The following OTOA variants were observed in gnomAD, a reference collection of about 807,000 sequenced individuals.
OTOA encodes cancer/testis antigen 108.
In OTOA, 70 loss-of-function variants were observed where a neutral mutation model predicts 110.8. The observed-to-expected ratio is 0.63, with a 90% CI of 0.52 to 0.77. OTOA has a LOEUF of 0.77. Among genes scored for constraint, OTOA ranks in the 30% least tolerant of loss-of-function variants. The probability of loss-of-function intolerance (pLI) is 0.00; values close to 1 mark genes in which losing one functional copy is unlikely to be tolerated. For synonymous variants in OTOA, 373 were observed against 431.5 expected, an observed-to-expected ratio of 0.86 and a Z score of 1.68; for missense variants, 917 against 1,075.8, an observed-to-expected ratio of 0.85 and a Z score of 2.06.
chr16:21,696,712 C>T (rs972332039), intron 9 of OTOA, among the ~76,000 whole-genome samples: 4 of 151,198 alleles, frequency 2.6e-5, no homozygotes, highest in African/African-American at 9.7e-5. Flanking sequence ...TGGGATTACA[C>T]CTGGCTAATT....
chr16:21,675,083 T>G (rs1221607003), intron 1 of OTOA, among the ~76,000 whole-genome samples: 6 of 112,094 alleles, frequency 5.4e-5, no homozygotes, highest in Admixed American at 3.3e-4. Flanking sequence ...CTTTCTTTCT[T>G]TCTTTCTTTC....
chr16:21,722,071 A>AC (rs1898762064), intron 17 of OTOA, among the ~76,000 whole-genome samples: 1 of 144,040 alleles, frequency 6.9e-6, no homozygotes, highest in Non-Finnish European at 1.5e-5. Flanking sequence ...ACAAAAAAAA[A>AC]ACCCCAAAAA....
intron 12 of OTOA, among the ~76,000 whole-genome samples, chr16:21,707,642 T>TTTCTTTCTTTCC (rs1491386834): frequency 4.3e-5 from 5 of 117,146 alleles, no homozygotes; most frequent in Non-Finnish European, 8.0e-5. Flanking sequence ...TCTTTCTTTC[T>TTTCTTTCTTTCC]TTCTTTCTTT....
intron 18 of OTOA, among the ~76,000 whole-genome samples, chr16:21,726,060 T>A (rs1898904780): frequency 6.6e-6 from 1 of 152,170 alleles, no homozygotes; most frequent in Admixed American, 6.5e-5. Flanking sequence ...CTTTCTCACT[T>A]TCTAGTTATT....
chr16:21,682,291 A>G (rs1160054059), intron 6 of OTOA, among the ~76,000 whole-genome samples: 1 of 152,214 alleles, frequency 6.6e-6, no homozygotes, highest in Non-Finnish European at 1.5e-5. Flanking sequence ...GGGAAGAAGA[A>G]GACAAGGGTA....
At chr16:21,721,336 T>A (rs1161897019) in intron 17 of OTOA, 3 of 455,596 alleles carry the variant, frequency 6.6e-6, no homozygotes, top group Non-Finnish European at 1.3e-5. Flanking sequence ...GCAGTTGTTC[T>A]CAACAGAGTA....
chr16:21,674,424 C>T (rs1966853387), intron 1 of OTOA, among the ~76,000 whole-genome samples: 1 of 152,096 alleles, frequency 6.6e-6, no homozygotes, highest in Admixed American at 6.6e-5. Flanking sequence ...ACCTCCGCCT[C>T]CTCGGTTCAA....
chr16:21,735,929 C>A (rs919567099), intron 21 of OTOA, among the ~76,000 whole-genome samples: 3 of 152,200 alleles, frequency 2.0e-5, no homozygotes, highest in Non-Finnish European at 4.4e-5. Flanking sequence ...CCAGATTGCT[C>A]TGCTAATAGT....
chr16:21,707,357 G>A (rs1898196714), intron 12 of OTOA, among the ~76,000 whole-genome samples: 1 of 151,968 alleles, frequency 6.6e-6, no homozygotes. Context: ...CAAACTGGAG[G>A]GTGCATCTAA....
In OTOA at chr16:21,705,304, G is replaced by A. The variant is rs143853515; in HGVS notation, c.1104+12G>A. The A allele has an allele frequency of 1.2e-6, 2 of 1,613,430 alleles. No individual in the cohort carries two copies. Among genetic ancestry groups the A allele is most frequent in the Non-Finnish European group, 1.7e-6 (2 of 1,180,030 alleles). On this transcript the variant is annotated intron_variant, in intron 12 of 28. Transcript: ENST00000646100. ...CTGGCGTCCAGAAGGTACAGCTGGGGTGCAAGGCCCTGAGGCCTCTGCCTC... is the reference window on the plus strand; with the variant it reads ...CTGGCGTCCAGAAGGTACAGCTGGGATGCAAGGCCCTGAGGCCTCTGCCTC...
chr16:21,684,345 C>T (rs1182338507), intron 6 of OTOA: 1 of 1,377,958 alleles, frequency 7.3e-7, no homozygotes, highest in African/African-American at 1.5e-5. Context: ...GAACAATTCC[C>T]CAGACAGCAG....
intron 19 of OTOA, 66 bp downstream of exon 19, chr16:21,726,724 G>A: frequency 6.2e-7 from 1 of 1,600,028 alleles, no homozygotes; most frequent in South Asian, 1.1e-5. Flanking sequence ...GGAGCCCTGT[G>A]AGGGATCTGG....
chr16:21,670,660 C>G (rs1966847809), intron 1 of OTOA, among the ~76,000 whole-genome samples: 1 of 152,086 alleles, frequency 6.6e-6, no homozygotes, highest in South Asian at 2.1e-4. Flanking sequence ...AGAATAATGC[C>G]TGGCTCACAG....
intron 1 of OTOA, among the ~76,000 whole-genome samples, chr16:21,665,013 T>TAAACAAAC (rs1555495196): frequency 9.9e-5 from 15 of 151,574 alleles, no homozygotes; most frequent in African/African-American, 3.2e-4. Context: ...AATAAATAAA[T>TAAACAAAC]AAACAAATAA....
At chr16:21,729,051 T>G (rs1899025206) in intron 20 of OTOA, among the ~76,000 whole-genome samples, 1 of 151,400 alleles carries the variant, frequency 6.6e-6, no homozygotes, top group South Asian at 2.1e-4. Flanking sequence ...TATTTTTTTT[T>G]TAAATGGGGT....
At chr16:21,677,643 G>T (rs985639918) in intron 1 of OTOA, among the ~76,000 whole-genome samples, 2 of 150,378 alleles carry the variant, frequency 1.3e-5, no homozygotes, top group Non-Finnish European at 3.0e-5. Context: ...CACCACGCCC[G>T]TCTAATTTTT....
chr16:21,697,799 C>T lies in OTOA; in HGVS notation c.764C>T (p.Ala255Val), dbSNP rs149668552. Residue 255 changes from alanine (A) to valine (V), a missense_variant, in exon 10 of 29, where the codon GCG becomes GTG. Transcript: ENST00000646100. ...GATGACTCTGCTTCATGGGTCAGTG[C>T]GGAACACTTATGGGTTTTGGGCAGA... ...ATDDSASWVS[A>V]EHLWVLGRYM... 84 of 1,613,878 alleles carry T rather than the reference C, an allele frequency of 5.2e-5. No individual in the cohort carries two copies. The highest frequency in any genetic ancestry group is 1.2e-4 in the South Asian group (11 of 91,084).
At chr16:21,708,254 C>T (rs1196140309) in intron 12 of OTOA, among the ~76,000 whole-genome samples, 1 of 152,152 alleles carries the variant, frequency 6.6e-6, no homozygotes, top group East Asian at 1.9e-4. Flanking sequence ...ATTAGATTCT[C>T]ATAAAGAGCG....
intron 1 of OTOA, among the ~76,000 whole-genome samples, chr16:21,665,935 A>G (rs1966839773): frequency 1.3e-5 from 2 of 152,106 alleles, no homozygotes; most frequent in South Asian, 4.1e-4. Flanking sequence ...GGCTCAGGCA[A>G]TTCTCCTGCC....
Sources: allele counts gnomAD v4.1 joint callset (sites outside exome capture counted in the v4.1 genomes callset), GRCh38; gene constraint gnomAD v4.1.1; transcripts MANE v1.5; gene names NCBI Gene and HGNC (gene_info 2026-07-23, HGNC 2026-07-21).